Variants in SLC36A1 observed in about 807,000 individuals in gnomAD.
SLC36A1 encodes solute carrier family 36 member 1.
SLC36A1 carries 30 observed loss-of-function variants against 47.5 expected under a neutral mutation model. The ratio of observed to expected loss-of-function variants is 0.63; its 90% CI spans 0.47 to 0.86. SLC36A1 has a LOEUF of 0.86. Ranked by LOEUF, SLC36A1 falls within the 40% of genes least tolerant of loss-of-function variation. The probability of loss-of-function intolerance (pLI) is 0.00; values close to 1 mark genes in which losing one functional copy is unlikely to be tolerated. For synonymous variants in SLC36A1, 255 were observed against 249.7 expected, an observed-to-expected ratio of 1.02 and a Z score of -0.20; for missense variants, 517 against 606.0, an observed-to-expected ratio of 0.85 and a Z score of 1.54.
chr5:151,413,978 C>A, the SLC36A1 span, among the ~76,000 whole-genome samples: 2 of 152,056 alleles, frequency 1.3e-5, no homozygotes, highest in African/African-American at 4.8e-5. Flanking sequence ...ACTTGAAATT[C>A]TTCAAGCACT....
intron 1 of SLC36A1, among the ~76,000 whole-genome samples, chr5:151,457,297 A>G (rs1245364128): frequency 6.6e-6 from 1 of 151,980 alleles, no homozygotes; most frequent in African/African-American, 2.4e-5. Context: ...TCATCTTTAA[A>G]GTAAGGGGCT....
upstream of SLC36A1, among the ~76,000 whole-genome samples, chr5:151,436,595 G>T (rs891733021): frequency 2.6e-5 from 4 of 151,974 alleles, 1 homozygote; most frequent in Admixed American, 2.6e-4. Context: ...GTTGTAAAGT[G>T]TAACCTTGAA....
At chr5:151,529,919 G>T in the SLC36A1 span, among the ~76,000 whole-genome samples, 1 of 152,212 alleles carries the variant, frequency 6.6e-6, no homozygotes, top group Non-Finnish European at 1.5e-5. Context: ...GATTTATCCT[G>T]CCTTTCCCGG....
chr5:151,458,252 A>ATG (rs1467777287), intron 1 of SLC36A1, among the ~76,000 whole-genome samples: 1 of 150,144 alleles, frequency 6.7e-6, no homozygotes, highest in Non-Finnish European at 1.5e-5. Flanking sequence ...GCTTGTACAT[A>ATG]TATATATATA....
intron 2 of SLC36A1, among the ~76,000 whole-genome samples, chr5:151,460,995 T>C (rs2127476884): frequency 6.6e-6 from 1 of 151,454 alleles, no homozygotes; most frequent in South Asian, 2.1e-4. Flanking sequence ...GTTACTTCCT[T>C]TTATTTTTTT....
intron 10 of SLC36A1, among the ~76,000 whole-genome samples, chr5:151,485,335 G>C (rs543699724): frequency 1.3e-5 from 2 of 152,194 alleles, no homozygotes; most frequent in Non-Finnish European, 2.9e-5. Flanking sequence ...CTGTGGCAGA[G>C]GTGGATCTGA....
At chr5:151,449,261 T>C (rs538285772) in intron 1 of SLC36A1, among the ~76,000 whole-genome samples, 1 of 152,374 alleles carries the variant, frequency 6.6e-6, no homozygotes, top group South Asian at 2.1e-4. Flanking sequence ...TAACTGTCTG[T>C]TATTATTTTA....
chr5:151,521,152 G>T, the SLC36A1 span: 1 of 924,126 alleles, frequency 1.1e-6, no homozygotes, highest in Non-Finnish European at 1.6e-6. Context: ...GTGATTGGTG[G>T]CCTTTGGGCT....
At chr5:151,508,047 G>C in the SLC36A1 span, among the ~76,000 whole-genome samples, 9 of 152,308 alleles carry the variant, frequency 5.9e-5, no homozygotes, top group Admixed American at 5.2e-4. Context: ...AGGAGCCAAC[G>C]TGGTCCTGCA....
At chr5:151,532,009 G>A in the SLC36A1 span, 4 of 1,604,610 alleles carry the variant, frequency 2.5e-6, no homozygotes, top group African/African-American at 1.3e-5. Context: ...CACTGAGGGC[G>A]CCTCCTCTGG....
the SLC36A1 span, chr5:151,544,749 T>C: frequency 1.2e-6 from 2 of 1,614,164 alleles, no homozygotes; most frequent in Non-Finnish European, 1.7e-6. Flanking sequence ...GTTTCTTGAG[T>C]GATATGTCCC....
chr5:151,545,278 T>A, the SLC36A1 span: 1 of 1,614,132 alleles, frequency 6.2e-7, no homozygotes, highest in Non-Finnish European at 8.5e-7. Flanking sequence ...CAGCGCAGTG[T>A]CTTGATACAA....
At chr5:151,518,348 C>CTAATAATAATAATAATAA in the SLC36A1 span, among the ~76,000 whole-genome samples, 715 of 101,472 alleles carry the variant, frequency 7.0e-3, 10 homozygotes, top group African/African-American at 0.019. Flanking sequence ...GACCATGTCT[C>CTAATAATAATAATAATAA]TAATAATAAT....
chr5:151,501,726 T>C, the SLC36A1 span, among the ~76,000 whole-genome samples: 1 of 148,524 alleles, frequency 6.7e-6, no homozygotes, highest in Admixed American at 6.6e-5. Flanking sequence ...ATGAGAGGCC[T>C]AACTGAACTT....
the SLC36A1 span, among the ~76,000 whole-genome samples, chr5:151,535,728 G>C: frequency 5.9e-4 from 90 of 152,316 alleles, no homozygotes; most frequent in African/African-American, 2.0e-3. Flanking sequence ...CTTGCAACTG[G>C]TGTCTGGGTA....
the SLC36A1 span, among the ~76,000 whole-genome samples, chr5:151,527,783 C>T: frequency 6.6e-6 from 1 of 152,148 alleles, no homozygotes; most frequent in Non-Finnish European, 1.5e-5. Context: ...ACCTGAGGTC[C>T]TCTAGGGAAG....
At chr5:151,531,648 C>A in the SLC36A1 span, 1 of 1,613,770 alleles carries the variant, frequency 6.2e-7, no homozygotes, top group Non-Finnish European at 8.5e-7. The surrounding 1 kb of genome is among the most constrained non-coding windows in gnomAD (Gnocchi z 5.7). Context: ...GGTAGCCGGT[C>A]TTCTCTGCGC....
At chr5:151,448,690 A>G (rs1258015705) in intron 1 of SLC36A1, among the ~76,000 whole-genome samples, 1 of 152,104 alleles carries the variant, frequency 6.6e-6, no homozygotes, top group Non-Finnish European at 1.5e-5. Flanking sequence ...GCTTATTTGG[A>G]TGGACGTTTT....
At chr5:151,540,688 T>C in the SLC36A1 span, 2 of 1,614,214 alleles carry the variant, frequency 1.2e-6, no homozygotes, top group Non-Finnish European at 1.7e-6. Context: ...ATGCTCGCGG[T>C]CCAGGGTCTT....
Sources: allele counts gnomAD v4.1 joint callset (sites outside exome capture counted in the v4.1 genomes callset), GRCh38; gene constraint gnomAD v4.1.1; non-coding constraint Gnocchi (gnomAD v3.1); transcripts MANE v1.5; gene names NCBI Gene and HGNC (gene_info 2026-07-23, HGNC 2026-07-21).